The following ACTR3C variants were observed in gnomAD, a reference collection of about 807,000 sequenced individuals.
ACTR3C encodes actin related protein 3C.
In ACTR3C, 18 loss-of-function variants were observed where a neutral mutation model predicts 26.3. The ratio of observed to expected loss-of-function variants is 0.68; its 90% CI spans 0.47 to 1.01. The LOEUF (loss-of-function observed/expected upper bound fraction) is 1.01. ACTR3C is among the 50% of genes least tolerant of loss of function. The pLI is 0.00. For synonymous variants in ACTR3C, 55 were observed against 94.5 expected (o/e 0.58, Z 2.42); for missense variants, 184 against 250.7 (o/e 0.73, Z 1.80).
At chr7:149,941,250 T>G in the ACTR3C span, among the ~76,000 whole-genome samples, 1 of 152,170 alleles carries the variant, frequency 6.6e-6, no homozygotes, top group African/African-American at 2.4e-5. Context: ...ACTGCAATCA[T>G]GATTACGTTT....
chr7:150,181,962 C>T, the ACTR3C span, among the ~76,000 whole-genome samples: 3 of 150,452 alleles, frequency 2.0e-5, no homozygotes, highest in East Asian at 3.9e-4. Flanking sequence ...TACAGTCTAG[C>T]GATAGACAAA....
At chr7:149,901,440 C>T in the ACTR3C span, among the ~76,000 whole-genome samples, 2 of 149,128 alleles carry the variant, frequency 1.3e-5, no homozygotes, top group Admixed American at 6.8e-5. Flanking sequence ...TAAGATGTAA[C>T]CTTTGGGGGC....
At chr7:150,040,014 A>AG in the ACTR3C span, among the ~76,000 whole-genome samples, 11 of 124,860 alleles carry the variant, frequency 8.8e-5, 2 homozygotes, top group East Asian at 5.2e-4. Flanking sequence ...CCCAAGAGCC[A>AG]GGCGGGGAAG....
chr7:150,112,089 A>C, the ACTR3C span, among the ~76,000 whole-genome samples: 2 of 149,018 alleles, frequency 1.3e-5, no homozygotes, highest in Admixed American at 1.3e-4. Context: ...TTTCCTATCC[A>C]CGCTGAGAAG....
At chr7:150,299,613 C>T (rs970402319) in intron 1 of ACTR3C, among the ~76,000 whole-genome samples, 3 of 151,672 alleles carry the variant, frequency 2.0e-5, no homozygotes, top group African/African-American at 7.3e-5. Flanking sequence ...TGGGGAAACC[C>T]CATCTCTGCT....
chr7:150,123,060 G>C, the ACTR3C span, among the ~76,000 whole-genome samples: 1 of 150,224 alleles, frequency 6.7e-6, no homozygotes, highest in Admixed American at 6.6e-5. Flanking sequence ...ACAGTGAGGG[G>C]AACATCACAC....
chr7:150,006,189 T>G, the ACTR3C span, among the ~76,000 whole-genome samples: 9 of 147,442 alleles, frequency 6.1e-5, no homozygotes, highest in South Asian at 6.4e-4. Context: ...GCACAGAATT[T>G]ATTTATTTAT....
the ACTR3C span, among the ~76,000 whole-genome samples, chr7:150,180,244 G>A: frequency 1.9e-4 from 28 of 150,046 alleles, 1 homozygote; most frequent in African/African-American, 7.1e-4. Context: ...GGCGGAGCTT[G>A]CAGTGAGCCG....
chr7:150,142,836 G>GTTT, the ACTR3C span, among the ~76,000 whole-genome samples: 166 of 141,176 alleles, frequency 1.2e-3, no homozygotes, highest in African/African-American at 4.2e-3. Flanking sequence ...GCTTTTTTTT[G>GTTT]TTTTTGTTTT....
At chr7:150,208,969 G>T in the ACTR3C span, among the ~76,000 whole-genome samples, 1 of 152,092 alleles carries the variant, frequency 6.6e-6, no homozygotes, top group Non-Finnish European at 1.5e-5. Flanking sequence ...AAATCCTAGA[G>T]AGGAAATGGA....
chr7:150,112,589 C>T, the ACTR3C span, among the ~76,000 whole-genome samples: 3 of 152,158 alleles, frequency 2.0e-5, no homozygotes, highest in Non-Finnish European at 2.9e-5. Flanking sequence ...GAGCAAAAGG[C>T]GCCAGCTTCT....
the ACTR3C span, among the ~76,000 whole-genome samples, chr7:150,228,903 G>GAGAC: frequency 0.19 from 27,902 of 149,726 alleles, 4,519 homozygotes; most frequent in African/African-American, 0.43. Context: ...TATATAGAGA[G>GAGAC]AGTGTGTATC....
chr7:150,176,587 A>G, the ACTR3C span, among the ~76,000 whole-genome samples: 2 of 150,934 alleles, frequency 1.3e-5, no homozygotes, highest in African/African-American at 5.0e-5. Flanking sequence ...TGTTTCATGT[A>G]TATCATCAAA....
chr7:150,177,049 T>C, the ACTR3C span, among the ~76,000 whole-genome samples: 1 of 150,710 alleles, frequency 6.6e-6, no homozygotes, highest in East Asian at 1.9e-4. Context: ...AGATTATATA[T>C]TGTCTCTAAG....
At chr7:149,978,091 T>C in the ACTR3C span, among the ~76,000 whole-genome samples, 2 of 151,756 alleles carry the variant, frequency 1.3e-5, no homozygotes, top group South Asian at 4.2e-4. Context: ...GTTGCCTGTG[T>C]GGAAGAGTTT....
chr7:150,186,024 C>T, the ACTR3C span, among the ~76,000 whole-genome samples: 11 of 152,210 alleles, frequency 7.2e-5, no homozygotes, highest in Middle Eastern at 6.8e-3. Flanking sequence ...TTCTCATCTC[C>T]GACTGAAACT....
At chr7:150,175,154 G>C in the ACTR3C span, among the ~76,000 whole-genome samples, 1 of 147,488 alleles carries the variant, frequency 6.8e-6, no homozygotes, top group Non-Finnish European at 1.5e-5. Context: ...ATAAATAAGA[G>C]TAGTATGTGC....
chr7:150,021,837 A>C, the ACTR3C span, among the ~76,000 whole-genome samples: 1 of 151,730 alleles, frequency 6.6e-6, no homozygotes, highest in African/African-American at 2.4e-5. Context: ...TCCATGGTGT[A>C]TATATACCAC....
the ACTR3C span, among the ~76,000 whole-genome samples, chr7:150,168,152 C>T: frequency 1.3e-5 from 2 of 150,874 alleles, no homozygotes; most frequent in African/African-American, 5.0e-5. Flanking sequence ...CAGTACCAGT[C>T]CATGGCCTTG....
Sources: gnomAD v4.1 joint callset for allele counts (sites outside exome capture counted in the v4.1 genomes callset) on GRCh38, gnomAD v4.1.1 for gene constraint, MANE v1.5 for transcripts, NCBI Gene and HGNC (gene_info 2026-07-23, HGNC 2026-07-21) for gene names.